LRP6: variants seen among roughly 807,000 people sequenced by gnomAD.
LRP6 encodes the protein LDL receptor related protein 6.
Under a neutral mutation model 184.1 loss-of-function variants are expected in LRP6, and 43 were observed. The ratio of observed to expected loss-of-function variants is 0.23; its 90% CI spans 0.18 to 0.30. The LOEUF (loss-of-function observed/expected upper bound fraction) is 0.30, where lower values mean the gene tolerates loss of function less well. LRP6 is among the 10% of genes least tolerant of loss of function. LRP6 has a pLI of 1.00. For missense variants in LRP6, 1,571 were observed against 2,005.3 expected (o/e 0.78, Z 4.14); for synonymous variants, 719 against 684.9 (o/e 1.05, Z -0.78).
intron 1 of LRP6, chr12:12,249,115 T>C: frequency 1.4e-6 from 1 of 704,820 alleles, no homozygotes; most frequent in Non-Finnish European, 2.6e-6. Context: ...GATAAAGACG[T>C]GACACTTACA....
chr12:12,126,681 C>T lies in LRP6; in HGVS notation c.4312+10G>A, dbSNP rs748951638. The stretch of plus-strand genomic sequence containing the variant: ...AAGACTTGATTCTCAATGGATCCAT[C>T]CTGACTCACCTGGAAGAGATCCTGA... On this transcript the variant is annotated intron_variant, in intron 20 of 22. Transcript: ENST00000261349. 6.2e-7 allele frequency: 1 copy of T among 1,610,298 alleles called. No homozygotes were observed. Among genetic ancestry groups the T allele is most frequent in the Non-Finnish European group, 8.5e-7 (1 of 1,176,492 alleles).
intron 2 of LRP6, among the ~76,000 whole-genome samples, chr12:12,238,389 T>G (rs1864977634): frequency 6.6e-6 from 1 of 151,752 alleles, no homozygotes; most frequent in Non-Finnish European, 1.5e-5. Context: ...GGATAAGAAT[T>G]CTCTAGAATT....
At chr12:12,170,830 CACGT>C (rs1863016806) in intron 7 of LRP6, among the ~76,000 whole-genome samples, 1 of 126,272 alleles carries the variant, frequency 7.9e-6, no homozygotes, top group South Asian at 2.3e-4. Context: ...CACACACACA[CACGT>C]CTTAGATGAA....
In LRP6 at chr12:12,175,645, C is replaced by T. The variant is rs148518083; in HGVS notation, c.1545+4165G>A. On this transcript the variant is annotated intron_variant, in intron 7 of 22. Coordinates refer to ENST00000261349, the MANE Select transcript of LRP6 (RefSeq NM_002336.3). Reference sequence around the variant, plus strand: ...GAGCTTGCATGCAGTGAGCCGAGATCGCGCCACTGCACTCCAGCCTGGACG... The same window carrying T: ...GAGCTTGCATGCAGTGAGCCGAGATTGCGCCACTGCACTCCAGCCTGGACG... 5.9e-3 allele frequency among the ~76,000 whole-genome samples: 902 copies of T among 151,678 alleles called. 9 individuals are homozygous for T. The highest frequency in any genetic ancestry group is 0.02 in the African/African-American group (829 of 41,306).
chr12:12,174,036 A>G (rs192650456), intron 7 of LRP6, among the ~76,000 whole-genome samples: 26 of 152,334 alleles, frequency 1.7e-4, no homozygotes, highest in African/African-American at 5.3e-4. Flanking sequence ...GTTGTGTGGT[A>G]AAGTAGCACA....
At chr12:12,189,881 C>T (rs559261332) in intron 3 of LRP6, among the ~76,000 whole-genome samples, 1 of 152,234 alleles carries the variant, frequency 6.6e-6, no homozygotes, top group Admixed American at 6.5e-5. Flanking sequence ...AGTTTTCTTT[C>T]TCTACGTTCT....
Position 12,150,833 on chromosome 12 carries a change from T to C in LRP6, c.2994+3A>G. ...ATGAATTTTGAACCAAGCTCTCAAT[T>C]ACCTGGCTGCCATCTTCTTGTGCCT... On this transcript the variant is annotated splice_donor_region_variant and intron_variant, in intron 13 of 22. Coordinates refer to ENST00000261349, the MANE Select transcript of LRP6 (RefSeq NM_002336.3). 1 of 1,613,250 alleles carries C rather than the reference T, an allele frequency of 6.2e-7. No individual in the cohort carries two copies. Among genetic ancestry groups the C allele is most frequent in the Non-Finnish European group, 8.5e-7 (1 of 1,179,958 alleles).
chr12:12,161,202 T>C (rs77948649), intron 10 of LRP6, among the ~76,000 whole-genome samples: 205 of 152,332 alleles, frequency 1.3e-3, no homozygotes, highest in African/African-American at 4.7e-3. Context: ...ATGGAATCAA[T>C]GTCACTTCAG....
intron 7 of LRP6, among the ~76,000 whole-genome samples, chr12:12,175,741 A>G: frequency 6.7e-6 from 1 of 150,258 alleles, no homozygotes; most frequent in Middle Eastern, 3.2e-3. Flanking sequence ...TAAATAAATA[A>G]ATAGAAAAAG....
chr12:12,132,810 G>C (rs1369277983), intron 17 of LRP6, among the ~76,000 whole-genome samples: 5 of 152,214 alleles, frequency 3.3e-5, no homozygotes, highest in Non-Finnish European at 5.9e-5. Flanking sequence ...GCAAACCTAA[G>C]TGTGGTAGTT....
chr12:12,155,670 A>G, intron 12 of LRP6: 4 of 980,986 alleles, frequency 4.1e-6, no homozygotes, highest in Non-Finnish European at 6.6e-6. Flanking sequence ...CCTGGGTTCA[A>G]CTGAAGCGCC....
chr12:12,217,085 A>G (rs1864367827), intron 2 of LRP6, among the ~76,000 whole-genome samples: 1 of 152,142 alleles, frequency 6.6e-6, no homozygotes, highest in Non-Finnish European at 1.5e-5. Flanking sequence ...GACCACTACC[A>G]GTTCATGGCC....
At chr12:12,164,140 A>C in intron 9 of LRP6, 133 bp downstream of exon 9, 1 of 822,292 alleles carries the variant, frequency 1.2e-6, no homozygotes, top group Admixed American at 2.7e-5. Flanking sequence ...AAAAAAAAAA[A>C]AAAAACTTGA....
intron 20 of LRP6, among the ~76,000 whole-genome samples, chr12:12,126,287 T>C (rs1591861810): frequency 6.6e-6 from 1 of 152,240 alleles, no homozygotes; most frequent in Admixed American, 6.5e-5. Context: ...CAAATCTTTG[T>C]TGGCTGAAGG....
chr12:12,214,663 G>C (rs1864292502), intron 2 of LRP6, among the ~76,000 whole-genome samples: 1 of 152,184 alleles, frequency 6.6e-6, no homozygotes, highest in Non-Finnish European at 1.5e-5. Flanking sequence ...TTAACTATCA[G>C]AGCCTATTTC....
At chr12:12,242,935 T>C (rs929840579) in intron 2 of LRP6, among the ~76,000 whole-genome samples, 1 of 152,198 alleles carries the variant, frequency 6.6e-6, no homozygotes, top group African/African-American at 2.4e-5. Flanking sequence ...TAAACCTTTC[T>C]TCCATTCTCC....
At chr12:12,193,366 T>A (rs1028805661) in intron 3 of LRP6, among the ~76,000 whole-genome samples, 2 of 147,044 alleles carry the variant, frequency 1.4e-5, no homozygotes, top group Non-Finnish European at 1.5e-5. Context: ...ATAAAAACAT[T>A]AGGGTTAAAA....
chr12:12,135,269 G>A lies in LRP6; in HGVS notation c.3639C>T (p.Gly1213=), dbSNP rs1341102629. The part of the protein sequence containing the change: ...RQHPCAQDNG[G]CSHICLVKGD... ...CCTTTACAAGACAAATATGTGAACA[G>A]CCACCATTATCCTGAGCACAAGGGT... is the stretch of plus-strand genomic sequence containing the variant. Residue 1213 remains glycine, a synonymous_variant, in exon 17 of 23, where the codon GGC becomes GGT. Coordinates refer to ENST00000261349, the MANE Select transcript of LRP6 (RefSeq NM_002336.3). 6.2e-7 allele frequency: 1 copy of A among 1,613,268 alleles called. No homozygotes were observed. The highest frequency in any genetic ancestry group is 8.5e-7 in the Non-Finnish European group (1 of 1,179,636).
chr12:12,196,717 G>A (rs1456675424), intron 3 of LRP6, among the ~76,000 whole-genome samples: 3 of 152,032 alleles, frequency 2.0e-5, no homozygotes, highest in Non-Finnish European at 4.4e-5. Flanking sequence ...TCATGGTGCA[G>A]TTCAATGTTT....
Sources: allele counts gnomAD v4.1 joint callset (sites outside exome capture counted in the v4.1 genomes callset), GRCh38; gene constraint gnomAD v4.1.1; transcripts MANE v1.5; gene names NCBI Gene and HGNC (gene_info 2026-07-23, HGNC 2026-07-21).